Variants in PDZRN4 observed in about 807,000 individuals in gnomAD.
PDZRN4 encodes PDZ domain containing ring finger 4, also known as PDZ domain-containing RING finger protein 4.
In PDZRN4, 70 loss-of-function variants were observed where a neutral mutation model predicts 99.0. The ratio of observed to expected loss-of-function variants is 0.71; its 90% confidence interval spans 0.58 to 0.86. The LOEUF (loss-of-function observed/expected upper bound fraction) is 0.86, where lower values mean the gene tolerates loss of function less well. PDZRN4 is among the 40% of genes least tolerant of loss of function. The probability of loss-of-function intolerance (pLI) is 0.00; values close to 1 mark genes in which losing one functional copy is unlikely to be tolerated. For synonymous variants in PDZRN4, 551 were observed against 501.6 expected (o/e 1.10, Z -1.32); for missense variants, 1,474 against 1,331.2 (o/e 1.11, Z -1.67).
At chr12:41,466,704 A>G (rs2120552616) in intron 3 of PDZRN4, among the ~76,000 whole-genome samples, 1 of 152,150 alleles carries the variant, frequency 6.6e-6, no homozygotes, top group South Asian at 2.1e-4. Context: ...GCACAAAAAG[A>G]AGAAAAAGAG....
chr12:41,327,998 T>C (rs1409185144), intron 3 of PDZRN4, among the ~76,000 whole-genome samples: 4 of 152,146 alleles, frequency 2.6e-5, no homozygotes, highest in African/African-American at 2.4e-5. Flanking sequence ...TTAGCAAAAC[T>C]ACACTAATGA....
At chr12:41,223,454 A>G (rs1201558908) in intron 3 of PDZRN4, among the ~76,000 whole-genome samples, 1 of 152,148 alleles carries the variant, frequency 6.6e-6, no homozygotes, top group East Asian at 1.9e-4. Flanking sequence ...CACAAAGGAC[A>G]CAAAGATGAA....
intron 3 of PDZRN4, among the ~76,000 whole-genome samples, chr12:41,357,266 C>T (rs956793979): frequency 1.7e-4 from 26 of 151,742 alleles, no homozygotes; most frequent in African/African-American, 6.0e-4. Context: ...ATGTTTAGAA[C>T]ACTTATTCTG....
At chr12:41,285,891 A>G (rs1041833090) in intron 3 of PDZRN4, among the ~76,000 whole-genome samples, 1 of 152,046 alleles carries the variant, frequency 6.6e-6, no homozygotes, top group Non-Finnish European at 1.5e-5. Context: ...TAGGAGAAAA[A>G]CTTAATGTAG....
intron 3 of PDZRN4, among the ~76,000 whole-genome samples, chr12:41,393,418 G>A (rs1349606323): frequency 6.6e-6 from 1 of 151,984 alleles, no homozygotes; most frequent in African/African-American, 2.4e-5. Context: ...TGAATGGTAG[G>A]ATGCTGATGC....
At chr12:41,504,236 C>T (rs1178583526) in intron 3 of PDZRN4, among the ~76,000 whole-genome samples, 1 of 151,966 alleles carries the variant, frequency 6.6e-6, no homozygotes, top group African/African-American at 2.4e-5. Context: ...CCACTGTACT[C>T]CAGCCTGGGC....
intron 3 of PDZRN4, among the ~76,000 whole-genome samples, chr12:41,319,370 A>G (rs1439655598): frequency 6.6e-6 from 1 of 152,190 alleles, no homozygotes; most frequent in East Asian, 1.9e-4. Context: ...AGAGAAGCCT[A>G]TGACCTGCTC....
intron 3 of PDZRN4, among the ~76,000 whole-genome samples, chr12:41,342,479 A>G (rs1951825535): frequency 6.6e-6 from 1 of 151,962 alleles, no homozygotes; most frequent in Non-Finnish European, 1.5e-5. Flanking sequence ...TCCAGAATAT[A>G]TAAAGAACTT....
intron 3 of PDZRN4, among the ~76,000 whole-genome samples, chr12:41,352,071 G>T (rs980976335): frequency 7.2e-5 from 11 of 151,898 alleles, no homozygotes; most frequent in African/African-American, 2.7e-4. Flanking sequence ...AACTAAGGAG[G>T]TGACTATTTG....
chr12:41,489,227 T>C (rs371757720), intron 3 of PDZRN4, among the ~76,000 whole-genome samples: 7 of 152,072 alleles, frequency 4.6e-5, no homozygotes, highest in Non-Finnish European at 7.4e-5. Context: ...TATTTGGCAC[T>C]CTCTGGAGAC....
chr12:41,462,498 T>A (rs995723233), intron 3 of PDZRN4, among the ~76,000 whole-genome samples: 3 of 152,186 alleles, frequency 2.0e-5, no homozygotes, highest in African/African-American at 7.2e-5. Context: ...GCTATCCAGG[T>A]AAAAAATTGC....
In PDZRN4 at chr12:41,378,520, A is replaced by ATTTTTTT. The variant is rs71081733; in HGVS notation, c.844-127923_844-127917dup. 2.4e-3 allele frequency among the ~76,000 whole-genome samples: 247 copies of ATTTTTTT among 102,824 alleles called. 17 individuals carry two copies. Among genetic ancestry groups the ATTTTTTT allele is most frequent in the South Asian group, 9.6e-3 (31 of 3,232 alleles). 67.5% of individuals were successfully genotyped at this position (102,824 alleles called of 152,430 possible). On this transcript the variant is annotated intron_variant, in intron 3 of 9. Transcript: ENST00000402685. The stretch of plus-strand genomic sequence containing the variant: ...TTTGGAAGTGCTCCTTCTGTCTTCA[A>ATTTTTTT]TTTTTTTTTTTTTTTTTTTGAGACA...
intron 8 of PDZRN4, among the ~76,000 whole-genome samples, chr12:41,566,896 C>T (rs1939381800): frequency 6.6e-6 from 1 of 152,082 alleles, no homozygotes; most frequent in South Asian, 2.1e-4. Flanking sequence ...AATCCAGCTC[C>T]AAAAATCCAC....
chr12:41,543,342 TGA>T (rs1289766381), intron 5 of PDZRN4, among the ~76,000 whole-genome samples: 4 of 151,404 alleles, frequency 2.6e-5, no homozygotes, highest in Non-Finnish European at 4.4e-5. Flanking sequence ...TGTGTGTGTG[TGA>T]GAGAGAGAGA....
At chr12:41,441,357 G>A (rs750604968) in intron 3 of PDZRN4, among the ~76,000 whole-genome samples, 2 of 152,138 alleles carry the variant, frequency 1.3e-5, no homozygotes, top group Non-Finnish European at 2.9e-5. Flanking sequence ...GGATACTGTA[G>A]CACAACAGAG....
chr12:41,569,058 T>G (rs1386811143), intron 9 of PDZRN4, among the ~76,000 whole-genome samples: 2 of 151,722 alleles, frequency 1.3e-5, no homozygotes, highest in Non-Finnish European at 2.9e-5. Flanking sequence ...TGCCTCGGCC[T>G]CCCAAAGTTC....
At chr12:41,546,749 C>T (rs1447209814) in intron 5 of PDZRN4, among the ~76,000 whole-genome samples, 1 of 152,166 alleles carries the variant, frequency 6.6e-6, no homozygotes, top group Non-Finnish European at 1.5e-5. Flanking sequence ...GGGGAAGGGT[C>T]AACAGGTTCG....
intron 3 of PDZRN4, among the ~76,000 whole-genome samples, chr12:41,219,447 G>A (rs1950939922): frequency 1.3e-5 from 2 of 151,992 alleles, no homozygotes; most frequent in Non-Finnish European, 2.9e-5. Context: ...GAAGGAGAAA[G>A]AATAATCTAG....
At chr12:41,483,744 T>A (rs1937721406) in intron 3 of PDZRN4, among the ~76,000 whole-genome samples, 1 of 152,154 alleles carries the variant, frequency 6.6e-6, no homozygotes, top group South Asian at 2.1e-4. Context: ...TAGTCTTTTT[T>A]TAAAGATTTT....
Sources: allele counts gnomAD v4.1 joint callset (sites outside exome capture counted in the v4.1 genomes callset), GRCh38; gene constraint gnomAD v4.1.1; transcripts MANE v1.5; gene names NCBI Gene and HGNC (gene_info 2026-07-23, HGNC 2026-07-21).